DNAH14: variants seen among roughly 807,000 people sequenced by gnomAD.
The protein encoded by DNAH14 is axonemal beta dynein heavy chain 14.
DNAH14 carries 478 observed loss-of-function variants against 520.9 expected under a neutral mutation model. The ratio of observed to expected loss-of-function variants is 0.92; its 90% CI spans 0.85 to 0.99. The LOEUF is 0.99. Ranked by LOEUF, DNAH14 falls within the 50% of genes least tolerant of loss-of-function variation. DNAH14 has a pLI of 0.00. For synonymous variants in DNAH14, 1,581 were observed against 1,757.2 expected (o/e 0.90, Z 2.51); for missense variants, 4,831 against 5,234.5 (o/e 0.92, Z 2.38).
At chr1:225,314,720 T>C (rs1433306516) in intron 60 of DNAH14, among the ~76,000 whole-genome samples, 2 of 152,326 alleles carry the variant, frequency 1.3e-5, no homozygotes, top group East Asian at 3.9e-4. Flanking sequence ...GGATATGAAA[T>C]TCTTGGTTGA....
chr1:225,198,874 C>T (rs2086470961), intron 38 of DNAH14, among the ~76,000 whole-genome samples: 1 of 152,136 alleles, frequency 6.6e-6, no homozygotes. Flanking sequence ...AGGGAGGATT[C>T]TCTCTTTCTC....
chr1:225,266,022 A>G (rs1219845079), intron 48 of DNAH14, among the ~76,000 whole-genome samples: 2 of 152,096 alleles, frequency 1.3e-5, no homozygotes, highest in Non-Finnish European at 2.9e-5. Flanking sequence ...TTGCAAAAAT[A>G]AATACAGTCT....
rs747403441 is a variant in DNAH14, at chr1:225,266,763, A to T, written c.7533A>T (p.Thr2511=). The change falls in exon 49 of 86, where the codon ACA becomes ACT. Residue 2511 remains threonine (T), a synonymous_variant. Coordinates refer to ENST00000682510, the MANE Select transcript of DNAH14 (RefSeq NM_001367479.1). ...LGGVYDTEKN[T]WKNIQDLSIV... Reference sequence around the variant, plus strand: ...GAGTTTATGATACTGAAAAAAATACATGGAAGGTACAGTATATACTAAGAT... The same window carrying T: ...GAGTTTATGATACTGAAAAAAATACTTGGAAGGTACAGTATATACTAAGAT... The T allele has an allele frequency of 4.6e-6, 7 of 1,508,076 alleles. No individual in the cohort carries two copies. Among genetic ancestry groups the T allele is most frequent in the African/African-American group, 4.3e-5 (3 of 70,362 alleles). 93.4% of individuals were successfully genotyped at this position (1,508,076 alleles called of 1,614,324 possible).
chr1:225,267,168 C>G (rs1197102413), intron 49 of DNAH14, among the ~76,000 whole-genome samples: 1 of 151,966 alleles, frequency 6.6e-6, no homozygotes, highest in Middle Eastern at 3.2e-3. Context: ...TAAGATTACT[C>G]TACATCTTTA....
intron 21 of DNAH14, among the ~76,000 whole-genome samples, chr1:225,092,420 C>T (rs1405812141): frequency 3.3e-5 from 5 of 152,000 alleles, no homozygotes; most frequent in Non-Finnish European, 5.9e-5. Flanking sequence ...ATAACCTGAT[C>T]CTGAATGACT....
intron 66 of DNAH14, among the ~76,000 whole-genome samples, chr1:225,335,503 A>G (rs1343272869): frequency 8.2e-6 from 1 of 122,248 alleles, no homozygotes; most frequent in Non-Finnish European, 1.7e-5. Context: ...GTGTACATGT[A>G]CACATATACA....
At chr1:225,230,813 G>A (rs1432245305) in intron 41 of DNAH14, among the ~76,000 whole-genome samples, 1 of 152,070 alleles carries the variant, frequency 6.6e-6, no homozygotes, top group Non-Finnish European at 1.5e-5. Context: ...TTTTAAAAAG[G>A]ATAGAATAGA....
In DNAH14 at chr1:224,951,266, T is replaced by G. The variant is rs113921531; in HGVS notation, c.-33-1404T>G. ...GTCTCGAACTCCTGGCATCAAGTGA[T>G]CCATCCACCTTGGTCTTCCAAAGTG... On this transcript the variant is annotated intron_variant, in intron 1 of 85. Coordinates refer to ENST00000682510, the MANE Select transcript of DNAH14 (RefSeq NM_001367479.1). Among the ~76,000 whole-genome samples, 416 of 152,300 alleles carry G rather than the reference T, an allele frequency of 2.7e-3. 3 individuals carry two copies. The highest frequency in any genetic ancestry group is 9.4e-3 in the African/African-American group (390 of 41,572).
intron 26 of DNAH14, among the ~76,000 whole-genome samples, chr1:225,120,135 G>A (rs1375367727): frequency 6.6e-6 from 1 of 152,178 alleles, no homozygotes; most frequent in African/African-American, 2.4e-5. Context: ...AGGGATCAGA[G>A]TTTTTAAGGA....
intron 28 of DNAH14, 107 bp downstream of exon 28, chr1:225,141,128 G>A (rs1213935911): frequency 1.7e-6 from 2 of 1,146,690 alleles, no homozygotes; most frequent in African/African-American, 3.1e-5. Context: ...TTTAATTTTG[G>A]GGGCTTTACC....
At chr1:225,124,545 G>T (rs543859500) in intron 27 of DNAH14, among the ~76,000 whole-genome samples, 1 of 152,334 alleles carries the variant, frequency 6.6e-6, no homozygotes, top group East Asian at 1.9e-4. Context: ...GAGGCAACTT[G>T]TCTTCCATTC....
At chr1:225,273,170 C>A in intron 52 of DNAH14, 45 bp downstream of exon 52, 1 of 1,504,926 alleles carries the variant, frequency 6.6e-7, no homozygotes, top group Non-Finnish European at 8.9e-7. Flanking sequence ...TGGTGGCTTA[C>A]GCCTGTAATC....
intron 1 of DNAH14, among the ~76,000 whole-genome samples, chr1:224,941,629 T>C (rs2059426544): frequency 6.6e-6 from 1 of 152,242 alleles, no homozygotes; most frequent in African/African-American, 2.4e-5. Context: ...TTCCAGGGTT[T>C]TTATGGTTTT....
intron 43 of DNAH14, among the ~76,000 whole-genome samples, chr1:225,251,405 C>A (rs1444818573): frequency 1.3e-5 from 2 of 152,074 alleles, no homozygotes; most frequent in African/African-American, 4.8e-5. Context: ...AACTCCTGAC[C>A]TCAAGTGATC....
At position 225,109,560 on chromosome 1, in the gene DNAH14, G is replaced by C. The variant is rs1263422645; in HGVS notation, c.3868-8124G>C. Among the ~76,000 whole-genome samples, 3 of 151,848 alleles carry C rather than the reference G, an allele frequency of 2.0e-5. No individual in the cohort carries two copies. The East Asian group carries it at 5.8e-4, about 29-fold the overall frequency. Reference sequence around the variant, plus strand: ...CTACTGATTTTTGTATGTTGATTTTGTATTCTGTAACTTTACTTGTTTATC... The same window carrying C: ...CTACTGATTTTTGTATGTTGATTTTCTATTCTGTAACTTTACTTGTTTATC... On this transcript the variant is annotated intron_variant, in intron 23 of 85. Coordinates refer to ENST00000682510, the MANE Select transcript of DNAH14 (RefSeq NM_001367479.1).
At chr1:225,087,036 A>ACACACACG (rs1267364820) in intron 21 of DNAH14, among the ~76,000 whole-genome samples, 4 of 140,608 alleles carry the variant, frequency 2.8e-5, no homozygotes, top group African/African-American at 1.1e-4. Flanking sequence ...ACACACACAC[A>ACACACACG]GCCTTCTACT....
intron 27 of DNAH14, among the ~76,000 whole-genome samples, chr1:225,129,640 T>G (rs1245672354): frequency 6.6e-6 from 1 of 151,966 alleles, no homozygotes; most frequent in African/African-American, 2.4e-5. Flanking sequence ...ACTGGATCCC[T>G]TCCTTACACC....
chr1:225,076,583 C>A (rs189494847), intron 17 of DNAH14, among the ~76,000 whole-genome samples: 1 of 152,234 alleles, frequency 6.6e-6, no homozygotes, highest in East Asian at 1.9e-4. Context: ...TTAAACAGTT[C>A]TTGACCCACA....
rs1354536955 is a variant in DNAH14 at position 225,103,642 on chromosome 1, C to T, written c.3867+2758C>T. ...GTTGGATTCCTAGGTATTTTATTCT[C>T]TTTGAAGCAATTGTGAATGGGAGTT... On this transcript the variant is annotated intron_variant, in intron 23 of 85. Transcript: ENST00000682510. 8.5e-5 allele frequency among the ~76,000 whole-genome samples: 13 copies of T among 152,184 alleles called. No homozygotes were observed. The East Asian group carries it at 2.3e-3, about 27-fold the overall frequency.
Sources: allele counts gnomAD v4.1 joint callset (sites outside exome capture counted in the v4.1 genomes callset), GRCh38; gene constraint gnomAD v4.1.1; transcripts MANE v1.5; gene names NCBI Gene and HGNC (gene_info 2026-07-23, HGNC 2026-07-21).